Variants in SLC16A10 observed in about 807,000 individuals in gnomAD.
The protein encoded by SLC16A10 is monocarboxylate transporter 10.
Under a neutral mutation model 40.0 loss-of-function variants are expected in SLC16A10, and 27 were observed. The observed-to-expected ratio is 0.67, with a 90% CI of 0.50 to 0.93. The LOEUF (loss-of-function observed/expected upper bound fraction) is 0.93. SLC16A10 is among the 40% of genes least tolerant of loss of function. The pLI is 0.00. For missense variants in SLC16A10, 529 were observed against 658.2 expected (o/e 0.80, Z 2.15); for synonymous variants, 213 against 249.8 (o/e 0.85, Z 1.39).
At chr6:111,118,650 C>T (rs537046095) in intron 1 of SLC16A10, among the ~76,000 whole-genome samples, 1 of 139,758 alleles carries the variant, frequency 7.2e-6, no homozygotes, top group African/African-American at 2.7e-5. Flanking sequence ...CACTGCACCC[C>T]AGCCTGGCAA....
At chr6:111,204,477 G>T (rs1773223355) in intron 3 of SLC16A10, among the ~76,000 whole-genome samples, 1 of 152,056 alleles carries the variant, frequency 6.6e-6, no homozygotes, top group South Asian at 2.1e-4. Context: ...AACAGGGCTG[G>T]GTAGGAACAC....
intron 1 of SLC16A10, among the ~76,000 whole-genome samples, chr6:111,101,106 C>T (rs1321282113): frequency 1.3e-5 from 2 of 151,030 alleles, no homozygotes; most frequent in African/African-American, 4.9e-5. Context: ...TCATGGCTCA[C>T]TGCAGCCTCG....
rs559748156 is a variant in SLC16A10, at chr6:111,142,268, A to C, written c.344-30427A>C. ...GAGCAAAGGCAATAGAATGGAGGAA[A>C]GATACCCTTTTCAACAAATGCTGTT... On this transcript the variant is annotated intron_variant, in intron 1 of 5. Coordinates refer to ENST00000368851, the MANE Select transcript of SLC16A10 (RefSeq NM_018593.5). 6.6e-5 allele frequency among the ~76,000 whole-genome samples: 10 copies of C among 152,344 alleles called. No homozygotes were observed. In the East Asian group the frequency reaches 1.9e-3, roughly 29 times the overall value.
chr6:111,191,252 G>A (rs905283437), intron 3 of SLC16A10, among the ~76,000 whole-genome samples: 2 of 152,086 alleles, frequency 1.3e-5, no homozygotes, highest in African/African-American at 2.4e-5. Context: ...TCCCACTTAT[G>A]AGTGAGAGCA....
chr6:111,222,017 A>G lies in SLC16A10; in HGVS notation c.1330A>G (p.Lys444Glu). ...TCCCTTCTCAGGGTTACTTCGTGACAAACTGGGCTCCTATGATGTGGCATT... is the reference window on the plus strand; with the variant it reads ...TCCCTTCTCAGGGTTACTTCGTGACGAACTGGGCTCCTATGATGTGGCATT... Reference protein sequence around the residue: ...GPPIAGLLRDKLGSYDVAFYL... With the variant: ...GPPIAGLLRDELGSYDVAFYL... The change falls in exon 6 of 6, where the codon AAA becomes GAA. Residue 444 changes from lysine (K) to glutamate (E), a missense_variant. By Grantham distance (56) the Lys-to-Glu change is moderately conservative. Coordinates refer to ENST00000368851, the MANE Select transcript of SLC16A10 (RefSeq NM_018593.5). The G allele has an allele frequency of 1.9e-6, 3 of 1,604,790 alleles. No individual in the cohort carries two copies. The highest frequency in any genetic ancestry group is 2.5e-6 in the Non-Finnish European group (3 of 1,177,600).
intron 1 of SLC16A10, 47 bp downstream of exon 1, chr6:111,088,142 G>C (rs750583086): frequency 1.9e-6 from 3 of 1,558,060 alleles, no homozygotes; most frequent in Non-Finnish European, 1.7e-6. Flanking sequence ...CCCGCGTGGG[G>C]CCCCCGAGCG....
intron 3 of SLC16A10, among the ~76,000 whole-genome samples, chr6:111,204,540 A>G (rs1309334591): frequency 6.6e-6 from 1 of 152,236 alleles, no homozygotes; most frequent in Admixed American, 6.5e-5. Flanking sequence ...GAAGTTAGGA[A>G]GTTGAAGAGG....
intron 1 of SLC16A10, among the ~76,000 whole-genome samples, chr6:111,100,971 TCTCTCTCTCTCTCTCTCTC>T (rs1562397115): frequency 4.9e-5 from 6 of 122,252 alleles, no homozygotes; most frequent in African/African-American, 2.0e-4. Flanking sequence ...TCTCTCTCTC[TCTCTCTCTCTCTCTCTCTC>T]TCTATATATA....
chr6:111,116,393 T>C (rs1771487248), intron 1 of SLC16A10, among the ~76,000 whole-genome samples: 1 of 151,932 alleles, frequency 6.6e-6, no homozygotes, highest in South Asian at 2.1e-4. Flanking sequence ...AATTTTTGTA[T>C]TATTAGTAGA....
At chr6:111,092,086 T>C (rs891242210) in intron 1 of SLC16A10, among the ~76,000 whole-genome samples, 1 of 152,122 alleles carries the variant, frequency 6.6e-6, no homozygotes, top group African/African-American at 2.4e-5. Context: ...GGGAAGGCAT[T>C]TGACGCCTCT....
chr6:111,193,931 A>G (rs1039711596), intron 3 of SLC16A10, among the ~76,000 whole-genome samples: 1 of 152,232 alleles, frequency 6.6e-6, no homozygotes, highest in Non-Finnish European at 1.5e-5. Context: ...TACAAAATAC[A>G]TTGGTACATT....
intron 1 of SLC16A10, among the ~76,000 whole-genome samples, chr6:111,143,379 T>A (rs965570213): frequency 1.3e-5 from 2 of 152,078 alleles, no homozygotes; most frequent in African/African-American, 4.8e-5. Context: ...CCTGACTTTT[T>A]TTTAAATTTA....
rs994794457 is a variant in SLC16A10 at position 111,222,495 on chromosome 6, C to T, written c.*260C>T. ...ATATTGTGAAAATTTGAAGCTATCT[C>T]AGTAAAAAGCAGCTTTGGAAACTGT... On this transcript the variant is annotated 3_prime_UTR_variant, in exon 6 of 6. Transcript: ENST00000368851. The T allele has an allele frequency of 2.8e-6, 1 of 354,100 alleles. No individual in the cohort carries two copies. Among genetic ancestry groups the T allele is most frequent in the African/African-American group, 2.2e-5 (1 of 45,344 alleles). 21.9% of individuals were successfully genotyped at this position (354,100 alleles called of 1,614,324 possible). A position where few individuals can be genotyped will look rare whatever the true frequency, so the allele number is the denominator to read the frequency against.
chr6:111,125,469 C>T (rs1771658851), intron 1 of SLC16A10, among the ~76,000 whole-genome samples: 1 of 152,066 alleles, frequency 6.6e-6, no homozygotes, highest in South Asian at 2.1e-4. Context: ...ACGATTAAGG[C>T]TCATTGAAAA....
chr6:111,207,003 AT>A (rs1344853002), intron 4 of SLC16A10, among the ~76,000 whole-genome samples: 3 of 151,836 alleles, frequency 2.0e-5, no homozygotes, highest in African/African-American at 7.3e-5. Context: ...TAATTTTTGT[AT>A]TTTTTTAGTA....
At chr6:111,136,986 C>A (rs1309049398) in intron 1 of SLC16A10, among the ~76,000 whole-genome samples, 3 of 152,132 alleles carry the variant, frequency 2.0e-5, no homozygotes, top group African/African-American at 7.2e-5. Flanking sequence ...CATCAGGAAG[C>A]CATTAAGAAA....
At chr6:111,168,315 G>C (rs1025440751) in intron 1 of SLC16A10, among the ~76,000 whole-genome samples, 3 of 152,140 alleles carry the variant, frequency 2.0e-5, no homozygotes, top group African/African-American at 7.2e-5. Flanking sequence ...TACCATGCTG[G>C]ATATATTGTA....
At chr6:111,211,623 G>C (rs1773347699) in intron 4 of SLC16A10, among the ~76,000 whole-genome samples, 2 of 152,204 alleles carry the variant, frequency 1.3e-5, no homozygotes, top group African/African-American at 4.8e-5. Context: ...AGTGTGTCCT[G>C]TGGTTGCGAG....
In SLC16A10 at chr6:111,163,718, C is replaced by G. The variant is rs548150627; in HGVS notation, c.344-8977C>G. On this transcript the variant is annotated intron_variant, in intron 1 of 5. Coordinates refer to ENST00000368851, the MANE Select transcript of SLC16A10 (RefSeq NM_018593.5). ...GAAACTGAAGTTTGATTTTGGGAAG[C>G]CTGTTAAGTACATTAGAGGTTTAAA... is the stretch of plus-strand genomic sequence containing the variant. Among the ~76,000 whole-genome samples the G allele has an allele frequency of 3.3e-5, 5 of 152,202 alleles. No individual in the cohort carries two copies. The East Asian group carries it at 9.6e-4, about 29-fold the overall frequency.
Sources: gnomAD v4.1 joint callset for allele counts (sites outside exome capture counted in the v4.1 genomes callset) on GRCh38, gnomAD v4.1.1 for gene constraint, MANE v1.5 for transcripts, NCBI Gene and HGNC (gene_info 2026-07-23, HGNC 2026-07-21) for gene names.